Variants in EXOC3L4 observed in about 807,000 individuals in gnomAD.
The protein encoded by EXOC3L4 is exocyst complex component 3-like protein 4.
In EXOC3L4, 62 loss-of-function variants were observed where a neutral mutation model predicts 69.7. The observed-to-expected ratio is 0.89, with a 90% confidence interval of 0.72 to 1.10. The LOEUF is 1.10. EXOC3L4 is among the 50% of genes least tolerant of loss of function. EXOC3L4 has a pLI of 0.00. For synonymous variants in EXOC3L4, 502 were observed against 464.2 expected, an observed-to-expected ratio of 1.08 and a Z score of -1.05; for missense variants, 1,087 against 1,034.8, an observed-to-expected ratio of 1.05 and a Z score of -0.69.
chr14:103,107,395 T>A, intron 8 of EXOC3L4, 29 bp from the exon 9 acceptor site: 1 of 1,604,530 alleles, frequency 6.2e-7, no homozygotes, highest in South Asian at 1.1e-5. Flanking sequence ...TAGTGCACAT[T>A]TGCAGACTCC....
chr14:103,106,164 C>T (rs1367156268), intron 7 of EXOC3L4, among the ~76,000 whole-genome samples: 4 of 152,368 alleles, frequency 2.6e-5, no homozygotes, highest in African/African-American at 4.8e-5. Flanking sequence ...GCCACTTGCC[C>T]GTGGCCACGT....
intron 3 of EXOC3L4, 151 bp from the exon 4 acceptor site, chr14:103,103,790 G>A (rs1430204687): frequency 4.0e-6 from 2 of 501,098 alleles, no homozygotes; most frequent in Non-Finnish European, 6.9e-6. Context: ...GCCTAGAGGC[G>A]CGCGCGCGTG....
chr14:103,104,223 G>C (rs1396310790), intron 4 of EXOC3L4, 44 bp from the exon 5 acceptor site: 1 of 1,510,312 alleles, frequency 6.6e-7, no homozygotes, highest in Middle Eastern at 2.5e-4. Context: ...GCGCGGGACG[G>C]GGTCTGGGAG....
At chr14:103,108,345 A>G in intron 10 of EXOC3L4, 51 bp from the exon 11 acceptor site, 1 of 1,597,820 alleles carries the variant, frequency 6.3e-7, no homozygotes, top group Non-Finnish European at 8.5e-7. Context: ...CAGGAGTTGG[A>G]GCAGCGGTGG....
At chr14:103,104,188 G>T in intron 4 of EXOC3L4, 79 bp from the exon 5 acceptor site, 1 of 1,457,318 alleles carries the variant, frequency 6.9e-7, no homozygotes, top group South Asian at 1.4e-5. Context: ...CTTGTGACCC[G>T]ACAGGGCGGC....
Position 103,107,758 on chromosome 14 carries a change from C to G in EXOC3L4, c.1829C>G (p.Ala610Gly). 1 of 1,536,208 alleles carries G rather than the reference C, an allele frequency of 6.5e-7. No homozygotes were observed. Residue 610 changes from alanine (A) to glycine (G), a missense_variant, in exon 10 of 12, where the codon GCC becomes GGC. Physicochemically the swap from Ala to Gly is moderately conservative, Grantham distance 60. Coordinates refer to ENST00000688303, the MANE Select transcript of EXOC3L4 (RefSeq NM_001077594.2). ...CAGAAGATGAGCCTGGATGCCCAGG[C>G]CATCAGCGACACCTTCCAGGGCCTG... ...GSQKMSLDAQ[A>G]ISDTFQGLGS... is the part of the protein sequence containing the mutation.
intron 7 of EXOC3L4, among the ~76,000 whole-genome samples, chr14:103,105,384 T>G (rs1014666737): frequency 7.2e-6 from 1 of 139,178 alleles, no homozygotes; most frequent in Admixed American, 7.0e-5. Flanking sequence ...GTGTGTGTGT[T>G]GGAGCTAAGA....
At chr14:103,099,101 A>C (rs934912882) in intron 1 of EXOC3L4, among the ~76,000 whole-genome samples, 1 of 152,070 alleles carries the variant, frequency 6.6e-6, no homozygotes, top group Non-Finnish European at 1.5e-5. Flanking sequence ...TGGTCCTGGC[A>C]CCTGGGTGGG....
intron 4 of EXOC3L4, 50 bp downstream of exon 4, chr14:103,104,102 C>T (rs1890389271): frequency 6.8e-7 from 1 of 1,474,672 alleles, no homozygotes; most frequent in Non-Finnish European, 9.0e-7. Flanking sequence ...GGGGGCGGGC[C>T]CTGGGGGGAT....
At chr14:103,094,520 A>G (rs1889811115), upstream of EXOC3L4, among the ~76,000 whole-genome samples, 1 of 152,186 alleles carries the variant, frequency 6.6e-6, no homozygotes, top group African/African-American at 2.4e-5. Flanking sequence ...CGAGCTCCGC[A>G]GCCTTCCCCT....
rs1162977128 is a variant in EXOC3L4 at position 103,104,381 on chromosome 14, G to A, written c.1276G>A (p.Val426Ile). Residue 426 changes from valine to isoleucine, a missense_variant, in exon 5 of 12, where the codon GTC (valine) becomes ATC (isoleucine). Physicochemically the swap from Val to Ile is conservative, Grantham distance 29. Transcript: ENST00000688303. ...CTACCAGGCGCCGCTGTCCATGGAC[G>A]TCCATATGGTGCGGCCCGGGAGCAG... ...GLYQAPLSMD[V>I]HMLVAEHVKA... 2.5e-6 allele frequency: 4 copies of A among 1,575,356 alleles called. No individual in the cohort carries two copies. The highest frequency in any genetic ancestry group is 2.4e-5 in the East Asian group (1 of 42,500).
chr14:103,107,450 G>A lies in EXOC3L4; in HGVS notation c.1608G>A (p.Arg536=), dbSNP rs1280465201. 1 of 1,614,018 alleles carries A rather than the reference G, an allele frequency of 6.2e-7. No individual in the cohort carries two copies. The highest frequency in any genetic ancestry group is 1.7e-5 in the Admixed American group (1 of 60,030). Residue 536 remains arginine (R), a synonymous_variant, in exon 9 of 12, where the codon AGG becomes AGA. Coordinates refer to ENST00000688303, the MANE Select transcript of EXOC3L4 (RefSeq NM_001077594.2). ...LQPLFRVVCT[R]DWLTQDWLHP... The stretch of plus-strand genomic sequence containing the variant: ...CGCTCTTCAGGGTTGTGTGCACCAG[G>A]GACTGGCTGACGCAGGACTGGCTGC...
At chr14:103,105,289 G>A (rs1454653396) in intron 7 of EXOC3L4, among the ~76,000 whole-genome samples, 1 of 151,702 alleles carries the variant, frequency 6.6e-6, no homozygotes, top group East Asian at 1.9e-4. Context: ...TGGAGCTGAG[G>A]GTGTGTGCCT....
intron 3 of EXOC3L4, among the ~76,000 whole-genome samples, chr14:103,103,144 A>T (rs557052967): frequency 6.6e-6 from 1 of 152,206 alleles, no homozygotes; most frequent in South Asian, 2.1e-4. Flanking sequence ...GCGGCCGATC[A>T]CCTGAGGTCA....
At chr14:103,099,501 C>A (rs1287923888) in intron 1 of EXOC3L4, among the ~76,000 whole-genome samples, 2 of 152,096 alleles carry the variant, frequency 1.3e-5, no homozygotes, top group Admixed American at 6.5e-5. Flanking sequence ...GCATTGAGAA[C>A]CCCCCCAGTC....
intron 5 of EXOC3L4, 29 bp from the exon 6 acceptor site, chr14:103,104,707 AGG>A: frequency 1.4e-6 from 2 of 1,449,152 alleles, no homozygotes; most frequent in African/African-American, 1.5e-5. Context: ...GGGGGCTGGG[AGG>A]CACGCTCAGT....
chr14:103,103,799 T>G (rs868521042), intron 3 of EXOC3L4, 142 bp from the exon 4 acceptor site: 8 of 263,600 alleles, frequency 3.0e-5, no homozygotes, highest in African/African-American at 3.5e-5. Context: ...CGCGCGCGCG[T>G]GTGTGTGTGT....
In EXOC3L4 at chr14:103,100,236, C is replaced by T. The variant is rs1292882331; in HGVS notation, c.17C>T (p.Thr6Ile). 1.9e-6 allele frequency: 3 copies of T among 1,580,022 alleles called. No individual in the cohort carries two copies. The highest frequency in any genetic ancestry group is 2.3e-5 in the East Asian group (1 of 43,876). Residue 6 changes from threonine (T) to isoleucine (I), a missense_variant, in exon 2 of 12, where the codon ACA becomes ATA. By Grantham distance (89) the Thr-to-Ile change is moderately conservative. Coordinates refer to ENST00000688303, the MANE Select transcript of EXOC3L4 (RefSeq NM_001077594.2). MPSPQ[T>I]DTPGPELQSP... Reference sequence around the variant, plus strand: ...GCTGCCAAGATGCCATCACCACAGACAGACACTCCTGGGCCGGAGCTGCAG... The same window carrying T: ...GCTGCCAAGATGCCATCACCACAGATAGACACTCCTGGGCCGGAGCTGCAG...
In EXOC3L4 at chr14:103,102,380, C is replaced by T; in HGVS notation, c.657C>T (p.Ser219=). Residue 219 remains serine, a synonymous_variant, in exon 3 of 12, where the codon AGC becomes AGT. Coordinates refer to ENST00000688303, the MANE Select transcript of EXOC3L4 (RefSeq NM_001077594.2). ...AALAELARVV[S]AEEEAHPSPP... is the part of the protein sequence containing the mutation. ...TGGCCGAGCTGGCCCGCGTGGTGAGCGCGGAGGAGGAAGCCCACCCTTCTC... is the reference window on the plus strand; with the variant it reads ...TGGCCGAGCTGGCCCGCGTGGTGAGTGCGGAGGAGGAAGCCCACCCTTCTC... 2 of 1,559,096 alleles carry T rather than the reference C, an allele frequency of 1.3e-6. No individual in the cohort carries two copies. Among genetic ancestry groups the T allele is most frequent in the Middle Eastern group, 1.7e-4 (1 of 5,928 alleles).
Sources: allele counts gnomAD v4.1 joint callset (sites outside exome capture counted in the v4.1 genomes callset), GRCh38; gene constraint gnomAD v4.1.1; transcripts MANE v1.5; gene names NCBI Gene and HGNC (gene_info 2026-07-23, HGNC 2026-07-21).